The following ZNF638 variants were observed in gnomAD, a reference collection of about 807,000 sequenced individuals.
The protein encoded by ZNF638 is zinc finger protein 638.
A neutral mutation model predicts 195.6 loss-of-function variants in ZNF638; 46 were observed. The observed-to-expected ratio is 0.24, with a 90% CI of 0.19 to 0.30. The LOEUF (loss-of-function observed/expected upper bound fraction) is 0.30. Among genes scored for constraint, ZNF638 ranks in the 10% least tolerant of loss-of-function variants. The pLI, the probability that ZNF638 is intolerant of heterozygous loss-of-function variation, is 1.00. For synonymous variants in ZNF638, 845 were observed against 772.0 expected, an observed-to-expected ratio of 1.09 and a Z score of -1.57; for missense variants, 2,440 against 2,325.3, an observed-to-expected ratio of 1.05 and a Z score of -1.01.
intron 20 of ZNF638, among the ~76,000 whole-genome samples, chr2:71,410,932 T>C (rs555405170): frequency 1.1e-3 from 165 of 150,980 alleles, no homozygotes; most frequent in African/African-American, 3.8e-3. Context: ...TTGGGACTCA[T>C]TTCCTGCATC....
At chr2:71,397,201 G>T (rs1311086631) in intron 11 of ZNF638, among the ~76,000 whole-genome samples, 2 of 152,140 alleles carry the variant, frequency 1.3e-5, no homozygotes, top group Non-Finnish European at 1.5e-5. Flanking sequence ...GGATTAAGCT[G>T]ATGGCCACCC....
At chr2:71,407,895 G>A (rs191654575) in intron 19 of ZNF638, 4 of 388,418 alleles carry the variant, frequency 1.0e-5, no homozygotes, top group Non-Finnish European at 1.8e-5. Flanking sequence ...TTTTACGCAT[G>A]TAACACATTT....
intron 10 of ZNF638, among the ~76,000 whole-genome samples, chr2:71,394,763 A>G (rs963416269): frequency 2.0e-5 from 3 of 152,316 alleles, no homozygotes; most frequent in African/African-American, 4.8e-5. Flanking sequence ...TTGCTGTAGC[A>G]TCTATTACTG....
chr2:71,373,215 T>C (rs1322956680), intron 8 of ZNF638, among the ~76,000 whole-genome samples: 1 of 152,192 alleles, frequency 6.6e-6, no homozygotes, highest in East Asian at 1.9e-4. Flanking sequence ...TCTTTTTGAT[T>C]ATTCATTAAC....
rs2079242530 is a variant in ZNF638, at chr2:71,368,289, A to G, written c.1996-93A>G. Reference sequence around the variant, plus strand: ...ATGGAAAAGACCCTTTAGTGTACTAATATTAGTGGTAGAAGAAATTATATA... The same window carrying G: ...ATGGAAAAGACCCTTTAGTGTACTAGTATTAGTGGTAGAAGAAATTATATA... On this transcript the variant is annotated intron_variant, in intron 6 of 27. Coordinates refer to ENST00000264447, the MANE Select transcript of ZNF638 (RefSeq NM_014497.5). 5 of 1,233,420 alleles carry G rather than the reference A, an allele frequency of 4.1e-6. No individual in the cohort carries two copies. In the South Asian group the frequency reaches 8.2e-5, roughly 20 times the overall value. The allele number at this position is 1,233,420 out of a possible 1,614,324, so 76.4% of individuals were successfully genotyped here.
chr2:71,331,905 G>A (rs2078575446), intron 1 of ZNF638, 30 bp downstream of exon 1: 1 of 986,488 alleles, frequency 1.0e-6, no homozygotes, highest in Non-Finnish European at 1.2e-6. Context: ...GGGAGTAGGG[G>A]GTTGGAAGGC....
chr2:71,365,068 C>CT (rs945407707), intron 5 of ZNF638, among the ~76,000 whole-genome samples: 1 of 152,122 alleles, frequency 6.6e-6, no homozygotes. Context: ...TGGGAATTTA[C>CT]TTTTTTTGCC....
chr2:71,431,584 C>G (rs998080712), intron 26 of ZNF638, among the ~76,000 whole-genome samples, 156 bp downstream of exon 26: 2 of 152,082 alleles, frequency 1.3e-5, no homozygotes, highest in Non-Finnish European at 2.9e-5. Context: ...ACGGTGAAAC[C>G]CCGTCAGTAC....
chr2:71,411,153 A>G (rs1005602079), intron 20 of ZNF638, among the ~76,000 whole-genome samples: 3 of 151,040 alleles, frequency 2.0e-5, no homozygotes, highest in Non-Finnish European at 3.0e-5. Context: ...ACGCCCTACC[A>G]TGCCCACTAA....
At chr2:71,355,275 G>A (rs1436395504) in intron 2 of ZNF638, among the ~76,000 whole-genome samples, 1 of 152,172 alleles carries the variant, frequency 6.6e-6, no homozygotes, top group East Asian at 1.9e-4. Flanking sequence ...GATTGTTGAT[G>A]TTGTTAGCGT....
chr2:71,424,769 T>A, intron 23 of ZNF638, 54 bp downstream of exon 23: 1 of 1,399,844 alleles, frequency 7.1e-7, no homozygotes, highest in Non-Finnish European at 1.0e-6. Context: ...ATAGCACAGT[T>A]CATCTATCTT....
At chr2:71,422,750 CATA>C in intron 21 of ZNF638, 61 bp from the exon 22 acceptor site, 1 of 1,501,276 alleles carries the variant, frequency 6.7e-7, no homozygotes, top group South Asian at 1.3e-5. Flanking sequence ...GAATTCTCAT[CATA>C]GTTTGATTTT....
chr2:71,408,806 G>A, intron 20 of ZNF638: 1 of 379,564 alleles, frequency 2.6e-6, no homozygotes, highest in South Asian at 2.1e-5. Context: ...TATATGTGGT[G>A]TCCTTGTGTT....
In ZNF638 at chr2:71,337,554, C is replaced by G. The variant is rs1448495075; in HGVS notation, c.-203+5679C>G. Among the ~76,000 whole-genome samples the G allele has an allele frequency of 3.9e-5, 6 of 152,168 alleles. No homozygotes were observed. In the East Asian group the frequency reaches 1.2e-3, roughly 29 times the overall value. On this transcript the variant is annotated intron_variant, in intron 1 of 27. Coordinates refer to ENST00000264447, the MANE Select transcript of ZNF638 (RefSeq NM_014497.5). ...GGCTGGGAGTACTGGCTCAGGCGCG[C>G]ACCACCATGCCTGGCTACGTTTTAT...
At position 71,336,269 on chromosome 2, in the gene ZNF638, C is replaced by G. The variant is rs548670937; in HGVS notation, c.-203+4394C>G. Among the ~76,000 whole-genome samples, 259 of 149,190 alleles carry G rather than the reference C, an allele frequency of 1.7e-3. 1 individual carries two copies. The highest frequency in any genetic ancestry group is 3.0e-3 in the South Asian group (14 of 4,636). On this transcript the variant is annotated intron_variant, in intron 1 of 27. Coordinates refer to ENST00000264447, the MANE Select transcript of ZNF638 (RefSeq NM_014497.5). ...TCTGTAATCCCAGCTACTCGGGAGG[C>G]TGAGGTAGGAGAATCGCTTGAAGCC... is the stretch of plus-strand genomic sequence containing the variant.
In ZNF638 at chr2:71,400,098, A is replaced by T. The variant is rs1015901622; in HGVS notation, c.2588-14A>T. 6 of 1,593,904 alleles carry T rather than the reference A, an allele frequency of 3.8e-6. No individual in the cohort carries two copies. The Admixed American group carries it at 7.2e-5, about 19-fold the overall frequency. ...GTGTTTTACTAGACTATTAAAGCAGACTATTTCATGCAGAAAACTCTGAAA... is the reference window on the plus strand; with the variant it reads ...GTGTTTTACTAGACTATTAAAGCAGTCTATTTCATGCAGAAAACTCTGAAA... On this transcript the variant is annotated splice_polypyrimidine_tract_variant and intron_variant, in intron 13 of 27. Transcript: ENST00000264447.
At chr2:71,339,634 T>C (rs999354459) in intron 1 of ZNF638, among the ~76,000 whole-genome samples, 1 of 152,264 alleles carries the variant, frequency 6.6e-6, no homozygotes, top group Non-Finnish European at 1.5e-5. Flanking sequence ...TACTTCTTGG[T>C]CTTGCTTACC....
chr2:71,333,607 A>T (rs376417254), intron 1 of ZNF638, among the ~76,000 whole-genome samples: 2 of 152,148 alleles, frequency 1.3e-5, no homozygotes, highest in African/African-American at 4.8e-5. Flanking sequence ...GATCTCCGGA[A>T]ATTTTGTTTT....
At chr2:71,421,224 A>G (rs1338357476) in intron 21 of ZNF638, among the ~76,000 whole-genome samples, 2 of 152,164 alleles carry the variant, frequency 1.3e-5, no homozygotes, top group African/African-American at 2.4e-5. Flanking sequence ...TTGAGAAGTA[A>G]TATTCATATA....
Sources: gnomAD v4.1 joint callset for allele counts (sites outside exome capture counted in the v4.1 genomes callset) on GRCh38, gnomAD v4.1.1 for gene constraint, MANE v1.5 for transcripts, NCBI Gene and HGNC (gene_info 2026-07-23, HGNC 2026-07-21) for gene names.